The following PEX14 variants were observed in gnomAD, a reference collection of about 807,000 sequenced individuals.
The protein encoded by PEX14 is peroxisomal biogenesis factor 14.
A neutral mutation model predicts 49.5 loss-of-function variants in PEX14; 15 were observed. The observed-to-expected ratio is 0.30, with a 90% CI of 0.20 to 0.47. PEX14 has a LOEUF of 0.47. Among genes scored for constraint, PEX14 ranks in the 20% least tolerant of loss-of-function variants. PEX14 has a pLI of 1.00. For synonymous variants in PEX14, 210 were observed against 212.7 expected, an observed-to-expected ratio of 0.99 and a Z score of 0.11; for missense variants, 398 against 494.8, an observed-to-expected ratio of 0.80 and a Z score of 1.86.
At chr1:10,476,733 T>A (rs1359161675) in intron 1 of PEX14, among the ~76,000 whole-genome samples, 1 of 152,098 alleles carries the variant, frequency 6.6e-6, no homozygotes, top group East Asian at 1.9e-4. Flanking sequence ...TCAAGTGATC[T>A]GCCCGCCTCA....
At chr1:10,595,654 G>A (rs1470544757) in intron 3 of PEX14, among the ~76,000 whole-genome samples, 2 of 152,228 alleles carry the variant, frequency 1.3e-5, no homozygotes, top group African/African-American at 4.8e-5. Flanking sequence ...GATGAATAGA[G>A]GAGGGAGGAG....
At chr1:10,564,830 T>C (rs1639755565) in intron 3 of PEX14, among the ~76,000 whole-genome samples, 2 of 151,980 alleles carry the variant, frequency 1.3e-5, no homozygotes, top group South Asian at 4.1e-4. Context: ...TTTGATAAAT[T>C]TTAACACTGG....
intron 2 of PEX14, among the ~76,000 whole-genome samples, chr1:10,503,281 C>CAAAAAAA (rs59342388): frequency 6.6e-5 from 5 of 75,476 alleles, no homozygotes; most frequent in African/African-American, 2.3e-4. Context: ...GACTCTGTCT[C>CAAAAAAA]AAAAAAAAAA....
intron 7 of PEX14, 130 bp from the exon 8 acceptor site, chr1:10,627,142 C>G: frequency 1.3e-6 from 1 of 752,618 alleles, no homozygotes; most frequent in East Asian, 2.5e-5. Context: ...GTGGCAGAAC[C>G]TTCCCCCGGG....
chr1:10,571,968 T>C (rs1639990678), intron 3 of PEX14, among the ~76,000 whole-genome samples: 1 of 152,172 alleles, frequency 6.6e-6, no homozygotes, highest in Non-Finnish European at 1.5e-5. Context: ...CATCAGTTTG[T>C]AGGATATCTG....
intron 3 of PEX14, among the ~76,000 whole-genome samples, chr1:10,545,324 A>G (rs982681451): frequency 8.5e-5 from 13 of 152,112 alleles, no homozygotes; most frequent in African/African-American, 2.9e-4. Context: ...AGGGACATAT[A>G]ATTTCTTTTG....
At chr1:10,627,179 C>T (rs995279283) in intron 7 of PEX14, 93 bp from the exon 8 acceptor site, 2 of 843,874 alleles carry the variant, frequency 2.4e-6, no homozygotes, top group South Asian at 2.6e-5. Flanking sequence ...CAGAAGGCCC[C>T]ACCTGCTGCC....
rs1388760403 is a variant in PEX14 at position 10,503,315 on chromosome 1, GAAAA to G, written c.84+7995_84+7998del. On this transcript the variant is annotated intron_variant, in intron 2 of 8. Coordinates refer to ENST00000356607, the MANE Select transcript of PEX14 (RefSeq NM_004565.3). ...AAAAAAAAAAAAAAAAAGAAAGAAA[GAAAA>G]GAAAAGAAAAAAGAAAAAAGATTAT... 2.1e-4 allele frequency among the ~76,000 whole-genome samples: 26 copies of G among 123,956 alleles called. 1 individual carries two copies. 81.3% of individuals were successfully genotyped at this position (123,956 alleles called of 152,430 possible). A position where few individuals can be genotyped will look rare whatever the true frequency, so the allele number is the denominator to read the frequency against.
intron 3 of PEX14, among the ~76,000 whole-genome samples, chr1:10,596,295 G>C (rs1173895735): frequency 6.6e-6 from 1 of 152,188 alleles, no homozygotes; most frequent in Non-Finnish European, 1.5e-5. Context: ...ACTTGATTTC[G>C]GGTTAGAATA....
intron 5 of PEX14, among the ~76,000 whole-genome samples, chr1:10,622,407 G>C (rs1557436279): frequency 6.6e-6 from 1 of 152,208 alleles, no homozygotes; most frequent in African/African-American, 2.4e-5. Context: ...AAAAGACTGA[G>C]GTGACCTCTT....
At chr1:10,607,698 G>A (rs916640916) in intron 4 of PEX14, among the ~76,000 whole-genome samples, 2 of 152,166 alleles carry the variant, frequency 1.3e-5, no homozygotes, top group Non-Finnish European at 2.9e-5. Context: ...TGTGAAGAGT[G>A]TGTTTCAGTA....
intron 4 of PEX14, among the ~76,000 whole-genome samples, chr1:10,600,044 T>C (rs1210701802): frequency 1.3e-5 from 2 of 152,200 alleles, no homozygotes; most frequent in African/African-American, 4.8e-5. Flanking sequence ...AAGCCCTCCT[T>C]GAAATCACTT....
In PEX14 at chr1:10,597,231, G is replaced by A. The variant is rs559391372; in HGVS notation, c.170-2007G>A. ...GCAGCCAGCGGCTGACAAGGCACAC[G>A]AACCACCAGGTTTATAAAATTCCGT... On this transcript the variant is annotated intron_variant, in intron 3 of 8. Transcript: ENST00000356607. The surrounding 1 kb of genome is among the most constrained non-coding windows in gnomAD (Gnocchi z 5.7). Among the ~76,000 whole-genome samples the A allele has an allele frequency of 6.6e-6, 1 of 152,364 alleles. No homozygotes were observed. Among genetic ancestry groups the A allele is most frequent in the East Asian group, 1.9e-4 (1 of 5,184 alleles).
intron 3 of PEX14, among the ~76,000 whole-genome samples, chr1:10,544,889 G>A (rs960210788): frequency 1.3e-5 from 2 of 151,980 alleles, no homozygotes; most frequent in African/African-American, 4.8e-5. Context: ...CAGCCTCCCA[G>A]GTAGCTGGGC....
intron 4 of PEX14, among the ~76,000 whole-genome samples, chr1:10,610,368 TATATACACAC>T (rs1557427281): frequency 1.0e-4 from 7 of 70,236 alleles, no homozygotes; most frequent in South Asian, 6.8e-4. Flanking sequence ...TATATATATA[TATATACACAC>T]ACACACACAC....
intron 3 of PEX14, among the ~76,000 whole-genome samples, chr1:10,545,947 A>T (rs887893443): frequency 6.6e-6 from 1 of 152,188 alleles, no homozygotes; most frequent in East Asian, 1.9e-4. Context: ...TGAGAGGCTG[A>T]GGCAGGAGGA....
Position 10,605,600 on chromosome 1 carries a change from G to A in PEX14, c.298+6234G>A, listed in dbSNP as rs942106686. ...CAAAGGCCCGGGGCCAGGGTGGCCT[G>A]TGCGTAAGTGATACTGAGGTGACAG... On this transcript the variant is annotated intron_variant, in intron 4 of 8. Coordinates refer to ENST00000356607, the MANE Select transcript of PEX14 (RefSeq NM_004565.3). 2.0e-3 allele frequency among the ~76,000 whole-genome samples: 310 copies of A among 152,338 alleles called. 3 individuals are homozygous for A. The highest frequency in any genetic ancestry group is 4.7e-4 in the Non-Finnish European group (32 of 68,020).
At chr1:10,612,330 T>C (rs927903980) in intron 4 of PEX14, among the ~76,000 whole-genome samples, 1 of 152,104 alleles carries the variant, frequency 6.6e-6, no homozygotes, top group Non-Finnish European at 1.5e-5. Flanking sequence ...TCTTCTGAAT[T>C]CTTAACAGCT....
chr1:10,557,216 C>T (rs570857828), intron 3 of PEX14, among the ~76,000 whole-genome samples: 23 of 152,250 alleles, frequency 1.5e-4, no homozygotes, highest in African/African-American at 5.5e-4. Context: ...CTTCATTTTA[C>T]ACAATTATAG....
Sources: allele counts gnomAD v4.1 joint callset (sites outside exome capture counted in the v4.1 genomes callset), GRCh38; gene constraint gnomAD v4.1.1; non-coding constraint Gnocchi (gnomAD v3.1); transcripts MANE v1.5; gene names NCBI Gene and HGNC (gene_info 2026-07-23, HGNC 2026-07-21).